LOC400499: variants seen among roughly 807,000 people sequenced by gnomAD.
chr16:11,471,596 T>G, the LOC400499 span: 2 of 398,934 alleles, frequency 5.0e-6, no homozygotes, highest in East Asian at 7.1e-5. Flanking sequence ...AGCCCAGGGC[T>G]GACCTAAGGA....
At chr16:11,500,775 G>A in the LOC400499 span, 200 of 399,026 alleles carry the variant, frequency 5.0e-4, 3 homozygotes, top group Non-Finnish European at 2.7e-4. Flanking sequence ...GGAGGACACC[G>A]GGGCCCCGGG....
chr16:11,434,657 T>A, the LOC400499 span, among the ~76,000 whole-genome samples: 230 of 152,326 alleles, frequency 1.5e-3, 1 homozygote, highest in African/African-American at 5.4e-3. Context: ...CGATTACACC[T>A]GCAGCAAAGA....
the LOC400499 span, chr16:11,401,454 C>A: frequency 2.5e-6 from 1 of 399,410 alleles, no homozygotes. Flanking sequence ...AGACAGACTG[C>A]ACCTCTTTCC....
At chr16:11,482,000 C>T in the LOC400499 span, among the ~76,000 whole-genome samples, 7 of 152,220 alleles carry the variant, frequency 4.6e-5, no homozygotes, top group East Asian at 1.9e-4. Flanking sequence ...AAAGAGTATG[C>T]GGTGAATGAT....
chr16:11,469,261 G>C, the LOC400499 span: 6 of 399,120 alleles, frequency 1.5e-5, no homozygotes, highest in Non-Finnish European at 2.7e-5. Context: ...TTTCCTGGGG[G>C]TGCAAAACAA....
chr16:11,458,212 C>T, the LOC400499 span, among the ~76,000 whole-genome samples: 4 of 152,006 alleles, frequency 2.6e-5, no homozygotes, highest in East Asian at 3.9e-4. Flanking sequence ...CGGGCGTGGT[C>T]GTGGGCGCCT....
At chr16:11,407,347 A>G in the LOC400499 span, 2 of 51,504 alleles carry the variant, frequency 3.9e-5, no homozygotes, top group Non-Finnish European at 1.0e-4. Flanking sequence ...GCTGGGTCAG[A>G]AAAAAAAAAA....
the LOC400499 span, among the ~76,000 whole-genome samples, chr16:11,447,281 T>C: frequency 6.6e-6 from 1 of 152,172 alleles, no homozygotes; most frequent in African/African-American, 2.4e-5. Context: ...GTGCCTCAGT[T>C]TCCCCATCTG....
chr16:11,455,571 C>A, the LOC400499 span, among the ~76,000 whole-genome samples: 3 of 151,586 alleles, frequency 2.0e-5, no homozygotes, highest in Non-Finnish European at 4.4e-5. Context: ...CCCGTCTCTA[C>A]TAAAAATAGA....
At chr16:11,417,370 A>G in the LOC400499 span, among the ~76,000 whole-genome samples, 2,014 of 152,144 alleles carry the variant, frequency 0.013, 53 homozygotes, top group African/African-American at 0.045. Flanking sequence ...GACCACACAC[A>G]TGCACCACCA....
chr16:11,440,705 C>G, the LOC400499 span: 1 of 399,032 alleles, frequency 2.5e-6, no homozygotes, highest in East Asian at 3.6e-5. Flanking sequence ...GGCAAGGGAG[C>G]AGAACTCAGT....
chr16:11,527,301 T>C, the LOC400499 span, among the ~76,000 whole-genome samples: 3 of 151,116 alleles, frequency 2.0e-5, no homozygotes, highest in Non-Finnish European at 4.4e-5. Flanking sequence ...CCCAGGAGGG[T>C]AGAAGGGGAG....
chr16:11,405,216 C>G, the LOC400499 span, among the ~76,000 whole-genome samples: 1 of 152,152 alleles, frequency 6.6e-6, no homozygotes, highest in Admixed American at 6.5e-5. Context: ...CAAGATGATA[C>G]AAGTGGTGCA....
chr16:11,381,416 A>G, the LOC400499 span, among the ~76,000 whole-genome samples: 2 of 151,870 alleles, frequency 1.3e-5, no homozygotes, highest in Admixed American at 1.3e-4. Context: ...TTGAGCTTTG[A>G]GTTCTTTATA....
At chr16:11,374,181 G>C in the LOC400499 span, among the ~76,000 whole-genome samples, 1 of 152,174 alleles carries the variant, frequency 6.6e-6, no homozygotes, top group African/African-American at 2.4e-5. Context: ...GTGGGTCTGT[G>C]TCTATTGCCT....
the LOC400499 span, chr16:11,461,251 T>C: frequency 4.5e-6 from 5 of 1,113,622 alleles, no homozygotes; most frequent in Non-Finnish European, 5.0e-6. Flanking sequence ...AGCCAACATG[T>C]GCACCCTGCA....
At chr16:11,446,767 C>T in the LOC400499 span, 1 of 1,535,802 alleles carries the variant, frequency 6.5e-7, no homozygotes, top group Admixed American at 2.0e-5. Flanking sequence ...TCCGGCCTGG[C>T]AGCCCAGGAC....
At chr16:11,460,131 C>T in the LOC400499 span, 1 of 1,215,984 alleles carries the variant, frequency 8.2e-7, no homozygotes, top group Non-Finnish European at 1.1e-6. Context: ...TAGCCACCCA[C>T]TCCAGGGATA....
chr16:11,519,998 C>A, the LOC400499 span, among the ~76,000 whole-genome samples: 4 of 152,114 alleles, frequency 2.6e-5, no homozygotes, highest in African/African-American at 9.7e-5. Context: ...CCACCGCGCC[C>A]GGCCTATGTG....
Sources: allele counts gnomAD v4.1 joint callset (sites outside exome capture counted in the v4.1 genomes callset), GRCh38; gene constraint gnomAD v4.1.1; transcripts MANE v1.5.